NAA11: variants seen among roughly 807,000 people sequenced by gnomAD.
NAA11 encodes N-alpha-acetyltransferase 11.
NAA11 carries 15 observed loss-of-function variants against 16.1 expected under a neutral mutation model. The observed-to-expected ratio is 0.93, with a 90% CI of 0.62 to 1.44. The LOEUF is 1.44. Among genes scored for constraint, NAA11 ranks in the 40% most tolerant of loss-of-function variants. The probability of loss-of-function intolerance (pLI) is 0.00; values close to 1 mark genes in which losing one functional copy is unlikely to be tolerated. For synonymous variants in NAA11, 122 were observed against 112.4 expected (o/e 1.09, Z -0.54); for missense variants, 298 against 291.3 (o/e 1.02, Z -0.17).
intron 2 of NAA11, among the ~76,000 whole-genome samples, chr4:79,228,941 A>G (rs1205891364): frequency 6.6e-6 from 1 of 152,038 alleles, no homozygotes; most frequent in Non-Finnish European, 1.5e-5. Context: ...AAGTAGGAAC[A>G]TTCTAGTTAC....
chr4:79,209,789 T>G, the NAA11 span, among the ~76,000 whole-genome samples: 1 of 152,206 alleles, frequency 6.6e-6, no homozygotes, highest in Admixed American at 6.5e-5. Flanking sequence ...CTCGCATGTA[T>G]AATCCCAATA....
At chr4:79,163,265 G>C in the NAA11 span, among the ~76,000 whole-genome samples, 4 of 152,114 alleles carry the variant, frequency 2.6e-5, no homozygotes, top group African/African-American at 9.7e-5. Context: ...TCCTGAATGT[G>C]CATTTCCGCA....
the NAA11 span, among the ~76,000 whole-genome samples, chr4:79,198,225 T>C: frequency 6.6e-6 from 1 of 151,906 alleles, no homozygotes; most frequent in Non-Finnish European, 1.5e-5. Flanking sequence ...AGGTCTCTCA[T>C]GGTCCAGGTA....
intron 2 of NAA11, among the ~76,000 whole-genome samples, chr4:79,248,712 T>TA (rs2109966342): frequency 6.6e-6 from 1 of 152,224 alleles, no homozygotes; most frequent in Admixed American, 6.5e-5. Context: ...ACCCCACACC[T>TA]ACTAGTTCCC....
At chr4:79,184,811 T>C in the NAA11 span, among the ~76,000 whole-genome samples, 1 of 152,184 alleles carries the variant, frequency 6.6e-6, no homozygotes, top group Non-Finnish European at 1.5e-5. Context: ...GGTATATAAA[T>C]TTACTCTCTA....
chr4:79,274,800 C>G (rs1257369946), intron 2 of NAA11, among the ~76,000 whole-genome samples: 3 of 152,060 alleles, frequency 2.0e-5, no homozygotes, highest in African/African-American at 7.2e-5. Context: ...TGGATATAGT[C>G]TCGAGCAGCA....
At chr4:79,159,040 G>A in the NAA11 span, among the ~76,000 whole-genome samples, 1 of 152,008 alleles carries the variant, frequency 6.6e-6, no homozygotes, top group Admixed American at 6.6e-5. Flanking sequence ...AAGACTTCAC[G>A]ACCAAGAACC....
chr4:79,170,887 T>A, the NAA11 span, among the ~76,000 whole-genome samples: 8 of 151,984 alleles, frequency 5.3e-5, no homozygotes, highest in Non-Finnish European at 1.2e-4. Flanking sequence ...TTAACTGAGA[T>A]GGCTATGTAA....
At chr4:79,230,874 T>C (rs992218327) in intron 2 of NAA11, among the ~76,000 whole-genome samples, 10 of 152,008 alleles carry the variant, frequency 6.6e-5, no homozygotes, top group Non-Finnish European at 1.2e-4. Context: ...TACTCTCCCA[T>C]TGGAATTAGC....
intron 1 of NAA11, among the ~76,000 whole-genome samples, chr4:79,318,972 CA>C (rs138988425): frequency 0.04 from 6,105 of 152,246 alleles, 155 homozygotes; most frequent in African/African-American, 0.063. Context: ...GACTGGAGCA[CA>C]GTGGTACAAT....
downstream of NAA11, among the ~76,000 whole-genome samples, chr4:79,314,907 A>G (rs1224765337): frequency 1.3e-5 from 2 of 152,088 alleles, no homozygotes; most frequent in South Asian, 2.1e-4. Flanking sequence ...TTTTTGTTGT[A>G]CACGTTTTTA....
In NAA11 at chr4:79,325,704, GGCCAGAACATA is replaced by G. The variant is rs766929225; in HGVS notation, c.163_173del (p.Tyr55GlnfsTer8). On this transcript the variant is annotated frameshift_variant, in exon 1 of 2. Transcript: ENST00000286794. LOFTEE classifies it high-confidence loss of function. Reference sequence around the variant, plus strand: ...CATCATCTGGTTCCTCCTCCATTTTGGCCAGAACATAGCCCACAATCTTCCCGTCCTCATCC... The same window carrying G: ...CATCATCTGGTTCCTCCTCCATTTTGGCCCACAATCTTCCCGTCCTCATCC... 6.2e-7 allele frequency: 1 copy of G among 1,614,168 alleles called. No homozygotes were observed. The highest frequency in any genetic ancestry group is 8.5e-7 in the Non-Finnish European group (1 of 1,180,034).
the NAA11 span, among the ~76,000 whole-genome samples, chr4:79,189,425 C>T: frequency 6.6e-6 from 1 of 152,112 alleles, no homozygotes; most frequent in East Asian, 1.9e-4. Context: ...ATTTAAAAAG[C>T]TATTCTTTCC....
chr4:79,241,149 C>T (rs957565907), intron 2 of NAA11, among the ~76,000 whole-genome samples: 2 of 152,140 alleles, frequency 1.3e-5, no homozygotes, highest in Non-Finnish European at 2.9e-5. Context: ...ACCAACCCCT[C>T]CTATTCCTCC....
chr4:79,250,726 A>G (rs988932238), intron 2 of NAA11, among the ~76,000 whole-genome samples: 2 of 152,258 alleles, frequency 1.3e-5, no homozygotes, highest in African/African-American at 4.8e-5. Context: ...CAAACTATGC[A>G]TCTGACAAAG....
the NAA11 span, among the ~76,000 whole-genome samples, chr4:79,182,057 T>C: frequency 1.3e-5 from 2 of 152,172 alleles, no homozygotes; most frequent in African/African-American, 4.8e-5. Context: ...CTCAGAGAAA[T>C]TAAATCACTT....
the NAA11 span, among the ~76,000 whole-genome samples, chr4:79,196,399 C>G: frequency 1.3e-5 from 2 of 151,990 alleles, no homozygotes; most frequent in African/African-American, 2.4e-5. Context: ...AGGCTTTAAT[C>G]TCTTTTAACT....
At chr4:79,222,613 G>A (rs1274200128), downstream of NAA11, among the ~76,000 whole-genome samples, 1 of 145,392 alleles carries the variant, frequency 6.9e-6, no homozygotes, top group Non-Finnish European at 1.5e-5. Context: ...AACACCAAAA[G>A]CAATGGCAAC....
At chr4:79,218,271 A>G in the NAA11 span, among the ~76,000 whole-genome samples, 1 of 152,118 alleles carries the variant, frequency 6.6e-6, no homozygotes, top group Non-Finnish European at 1.5e-5. Flanking sequence ...ACATGTATGT[A>G]ATGTGCTCCC....
Sources: gnomAD v4.1 joint callset for allele counts (sites outside exome capture counted in the v4.1 genomes callset) on GRCh38, gnomAD v4.1.1 for gene constraint, MANE v1.5 for transcripts, NCBI Gene and HGNC (gene_info 2026-07-23, HGNC 2026-07-21) for gene names.